ICE1: variants seen among roughly 807,000 people sequenced by gnomAD.
ICE1 encodes little elongation complex subunit 1.
A neutral mutation model predicts 192.7 loss-of-function variants in ICE1; 64 were observed. The observed-to-expected ratio is 0.33, with a 90% CI of 0.27 to 0.41. The LOEUF (loss-of-function observed/expected upper bound fraction) is 0.41. Among genes scored for constraint, ICE1 ranks in the 10% least tolerant of loss-of-function variants. The pLI is 1.00. For missense variants in ICE1, 2,708 were observed against 2,696.0 expected, an observed-to-expected ratio of 1.00 and a Z score of -0.10; for synonymous variants, 1,010 against 984.5, an observed-to-expected ratio of 1.03 and a Z score of -0.49.
chr5:5,453,308 T>C (rs1477248349), intron 10 of ICE1, among the ~76,000 whole-genome samples: 6 of 152,076 alleles, frequency 3.9e-5, no homozygotes, highest in Non-Finnish European at 7.4e-5. Context: ...CAGAAGGTTG[T>C]TTTGGCTCAG....
Position 5,447,501 on chromosome 5 carries a change from A to G in ICE1, c.499A>G (p.Lys167Glu). Residue 167 changes from lysine to glutamate, a missense_variant, in exon 8 of 19, where the codon AAG (lysine) becomes GAG (glutamate). Coordinates refer to ENST00000296564, the MANE Select transcript of ICE1 (RefSeq NM_015325.3). ...EKKILEKEFK[K>E]TQERLDEFSK... The stretch of plus-strand genomic sequence containing the variant: ...GAAAATACTTGAAAAGGAATTTAAG[A>G]AGACACAGGTACTAGATAAAAGCAG... 1.3e-6 allele frequency: 2 copies of G among 1,550,768 alleles called. No homozygotes were observed. Among genetic ancestry groups the G allele is most frequent in the South Asian group, 1.2e-5 (1 of 83,956 alleles).
At chr5:5,451,155 G>T (rs568767878) in intron 10 of ICE1, among the ~76,000 whole-genome samples, 1 of 151,856 alleles carries the variant, frequency 6.6e-6, no homozygotes, top group Non-Finnish European at 1.5e-5. Context: ...ACTCACATAA[G>T]ACACACAAAA....
At chr5:5,479,745 C>G (rs760577453) in intron 17 of ICE1, among the ~76,000 whole-genome samples, 1 of 152,278 alleles carries the variant, frequency 6.6e-6, no homozygotes, top group African/African-American at 2.4e-5. Context: ...ACATAATATA[C>G]CATGGAATAC....
At chr5:5,455,086 A>G (rs993053577) in intron 11 of ICE1, among the ~76,000 whole-genome samples, 1 of 152,228 alleles carries the variant, frequency 6.6e-6, no homozygotes, top group African/African-American at 2.4e-5. Context: ...TGTCCTGAGT[A>G]GAAGGGGAGC....
chr5:5,462,410 A>G lies in ICE1; in HGVS notation c.3076A>G (p.Arg1026Gly). ...AGAAACCAGCTGTGGAGACACAGGG[A>G]GATCTGGTGGTGAGGCCCTGGCTGT... Reference protein sequence around the residue: ...VEETSCGDTGRSGGEALAVAN... With the variant: ...VEETSCGDTGGSGGEALAVAN... The change falls in exon 13 of 19, where the codon AGA (arginine) becomes GGA (glycine). Residue 1026 changes from arginine (R) to glycine (G), a missense_variant. Around this residue, in one of 2 missense-constraint regions of ICE1, gnomAD observed 2,366 missense variants for 2,276.6 expected, o/e 1.04. Coordinates refer to ENST00000296564, the MANE Select transcript of ICE1 (RefSeq NM_015325.3). The G allele has an allele frequency of 6.2e-7, 1 of 1,614,020 alleles. No homozygotes were observed. The highest frequency in any genetic ancestry group is 8.5e-7 in the Non-Finnish European group (1 of 1,179,896).
rs1204003774 is a variant in ICE1, at chr5:5,461,574, C to T, written c.2240C>T (p.Thr747Ile). 6.2e-7 allele frequency: 1 copy of T among 1,612,962 alleles called. No homozygotes were observed. Among genetic ancestry groups the T allele is most frequent in the Non-Finnish European group, 8.5e-7 (1 of 1,179,458 alleles). ...SLPRSVFMKA[T>I]KDGQCESQDP... ...CCTCGGTCAGTATTTATGAAAGCTA[C>T]AAAAGATGGGCAATGTGAAAGTCAA... The change falls in exon 13 of 19, where the codon ACA becomes ATA. Residue 747 changes from threonine (T) to isoleucine (I), a missense_variant. This residue lies in a region of ICE1 where 2,366 missense variants were observed against 2,276.6 expected (regional missense o/e 1.04). Transcript: ENST00000296564.
Position 5,486,713 on chromosome 5 carries a change from T to TC in ICE1, c.6521-4dup. 6.3e-7 allele frequency: 1 copy of TC among 1,582,610 alleles called. No individual in the cohort carries two copies. Among genetic ancestry groups the TC allele is most frequent in the East Asian group, 2.3e-5 (1 of 44,278 alleles). On this transcript the variant is annotated splice_region_variant and splice_polypyrimidine_tract_variant and intron_variant, in intron 17 of 18. Coordinates refer to ENST00000296564, the MANE Select transcript of ICE1 (RefSeq NM_015325.3). ...TGGACTGTTTACATTTTGGTTTGTTTCCCCTAGGTCGTTTAGGCCAATTGG... is the reference window on the plus strand; with the variant it reads ...TGGACTGTTTACATTTTGGTTTGTTTCCCCCTAGGTCGTTTAGGCCAATTGG...
intron 15 of ICE1, among the ~76,000 whole-genome samples, chr5:5,473,256 T>G (rs1217674623): frequency 1.3e-5 from 2 of 152,224 alleles, no homozygotes; most frequent in Non-Finnish European, 2.9e-5. Context: ...CTTTCTAACT[T>G]TAATTCTCTA....
At chr5:5,445,892 T>C (rs974854379) in intron 7 of ICE1, among the ~76,000 whole-genome samples, 1 of 151,676 alleles carries the variant, frequency 6.6e-6, no homozygotes, top group Non-Finnish European at 1.5e-5. Context: ...TGGCTAACTT[T>C]TTTATATTTT....
At position 5,486,792 on chromosome 5, in the gene ICE1, A is replaced by G. The variant is rs763819160; in HGVS notation, c.6592A>G (p.Met2198Val). Residue 2198 changes from methionine to valine, a missense_variant, in exon 18 of 19, where the codon ATG (methionine) becomes GTG (valine). Around this residue, in one of 2 missense-constraint regions of ICE1, gnomAD observed 342 missense variants for 419.3 expected, o/e 0.82. Coordinates refer to ENST00000296564, the MANE Select transcript of ICE1 (RefSeq NM_015325.3). ...AVKNISSVIG[M>V]FIQHAHDEDI... is the part of the protein sequence containing the mutation. ...GAAAAATATTAGTTCGGTTATTGGT[A>G]TGTTTATACAGCATGCTCACGATGA... is the stretch of plus-strand genomic sequence containing the variant. 28 of 1,598,542 alleles carry G rather than the reference A, an allele frequency of 1.8e-5. No homozygotes were observed. The Admixed American group carries it at 4.3e-4, about 25-fold the overall frequency.
At chr5:5,454,469 AC>A in intron 10 of ICE1, 82 bp from the exon 11 acceptor site, 2 of 879,818 alleles carry the variant, frequency 2.3e-6, no homozygotes, top group Non-Finnish European at 3.7e-6. Context: ...TCCCTAATAA[AC>A]CCTGATTTCA....
At chr5:5,429,806 C>T (rs1024958263) in intron 1 of ICE1, among the ~76,000 whole-genome samples, 2 of 152,110 alleles carry the variant, frequency 1.3e-5, no homozygotes, top group African/African-American at 2.4e-5. Flanking sequence ...CATCAGCATT[C>T]ACAGTGACAA....
Position 5,464,702 on chromosome 5 carries a change from G to GC in ICE1, c.5370dup (p.Ser1791GlnfsTer26). Reference sequence around the variant, plus strand: ...TGACTGTAAGAATTTACCGGGACCTGCCAGTGCTATGATAGGATTCAAAAC... The same window carrying GC: ...TGACTGTAAGAATTTACCGGGACCTGCCCAGTGCTATGATAGGATTCAAAAC... On this transcript the variant is annotated frameshift_variant, in exon 13 of 19. Transcript: ENST00000296564. LOFTEE classifies it high-confidence loss of function. The surrounding 1 kb of genome is among the most constrained non-coding windows in gnomAD (Gnocchi z 4.0). The GC allele has an allele frequency of 6.2e-7, 1 of 1,613,904 alleles. No individual in the cohort carries two copies. Among genetic ancestry groups the GC allele is most frequent in the African/African-American group, 1.3e-5 (1 of 75,060 alleles).
At chr5:5,485,378 T>G (rs1437278050) in intron 17 of ICE1, among the ~76,000 whole-genome samples, 1 of 152,170 alleles carries the variant, frequency 6.6e-6, no homozygotes, top group Non-Finnish European at 1.5e-5. Flanking sequence ...AGATGGCTGA[T>G]TTTTCATTAT....
At chr5:5,443,382 T>C (rs1421288666) in intron 6 of ICE1, 138 bp downstream of exon 6, 41 of 529,404 alleles carry the variant, frequency 7.7e-5, no homozygotes, top group Non-Finnish European at 6.5e-6. Context: ...AACTAGTTAG[T>C]CTCTCAACCT....
chr5:5,482,585 G>C (rs542164086), intron 17 of ICE1, among the ~76,000 whole-genome samples: 20 of 152,348 alleles, frequency 1.3e-4, no homozygotes, highest in South Asian at 6.2e-4. Context: ...CAGGAGAGGA[G>C]CAGCAGAGCC....
At chr5:5,443,317 GTTT>G in intron 6 of ICE1, 73 bp downstream of exon 6, 2 of 633,220 alleles carry the variant, frequency 3.2e-6, no homozygotes, top group East Asian at 3.7e-5. Flanking sequence ...AGTCGGTAGT[GTTT>G]TTTTTTTTAC....
chr5:5,464,755 C>G lies in ICE1; in HGVS notation c.5421C>G (p.Val1807=). Residue 1807 remains valine, a synonymous_variant, in exon 13 of 19, where the codon GTC becomes GTG. Transcript: ENST00000296564. This position sits in a 1 kb window ranked among gnomAD's most constrained non-coding sequence, Gnocchi z 4.0. ...TCACTTCAGCAGCAACTGCTTTTGT[C>G]AAAACTGGGAGCAGCTCTGGTGGTG... ...KTITSAATAF[V]KTGSSSGGDC... The G allele has an allele frequency of 2.5e-6, 4 of 1,613,752 alleles. No homozygotes were observed. Among genetic ancestry groups the G allele is most frequent in the Non-Finnish European group, 3.4e-6 (4 of 1,179,808 alleles).
intron 13 of ICE1, among the ~76,000 whole-genome samples, chr5:5,465,724 G>A (rs1232547118): frequency 6.6e-6 from 1 of 152,168 alleles, no homozygotes; most frequent in Non-Finnish European, 1.5e-5. Context: ...GACTTCTAGT[G>A]CTAGACGGAT....
Sources: gnomAD v4.1 joint callset for allele counts (sites outside exome capture counted in the v4.1 genomes callset) on GRCh38, gnomAD v4.1.1 for gene constraint, gnomAD v4.1.1 regional missense constraint, Gnocchi (gnomAD v3.1) non-coding constraint, MANE v1.5 for transcripts, NCBI Gene and HGNC (gene_info 2026-07-23, HGNC 2026-07-21) for gene names.